Variants in SV2C observed in about 807,000 individuals in gnomAD.
The protein encoded by SV2C is solute carrier family 22 member B3.
Under a neutral mutation model 79.7 loss-of-function variants are expected in SV2C, and 49 were observed. The ratio of observed to expected loss-of-function variants is 0.61; its 90% CI spans 0.49 to 0.78. The LOEUF is 0.78. Ranked by LOEUF, SV2C falls within the 30% of genes least tolerant of loss-of-function variation. The probability of loss-of-function intolerance (pLI) is 0.00; values close to 1 mark genes in which losing one functional copy is unlikely to be tolerated. For missense variants in SV2C, 833 were observed against 912.9 expected, an observed-to-expected ratio of 0.91 and a Z score of 1.13; for synonymous variants, 334 against 333.2, an observed-to-expected ratio of 1.00 and a Z score of -0.03.
At chr5:76,019,945 G>A in the SV2C span, among the ~76,000 whole-genome samples, 3 of 152,180 alleles carry the variant, frequency 2.0e-5, no homozygotes, top group Non-Finnish European at 2.9e-5. Context: ...CACTTGGCAT[G>A]TCATTAGATT....
At chr5:76,040,130 T>C in the SV2C span, among the ~76,000 whole-genome samples, 1 of 152,162 alleles carries the variant, frequency 6.6e-6, no homozygotes, top group Non-Finnish European at 1.5e-5. Flanking sequence ...CTTTTAACAG[T>C]AAAACACATA....
the SV2C span, among the ~76,000 whole-genome samples, chr5:75,981,258 G>A: frequency 6.6e-6 from 1 of 152,102 alleles, no homozygotes; most frequent in Non-Finnish European, 1.5e-5. Flanking sequence ...CTCATGGATA[G>A]GAAGAATCAA....
At chr5:76,040,890 G>A in the SV2C span, among the ~76,000 whole-genome samples, 1 of 152,206 alleles carries the variant, frequency 6.6e-6, no homozygotes, top group Non-Finnish European at 1.5e-5. Context: ...TTTGTTTTAA[G>A]AAGTAGCGGA....
At chr5:76,035,866 A>C in the SV2C span, among the ~76,000 whole-genome samples, 1 of 152,020 alleles carries the variant, frequency 6.6e-6, no homozygotes, top group African/African-American at 2.4e-5. Flanking sequence ...TCCCATTATT[A>C]GTGTGTGGGA....
the SV2C span, chr5:75,910,960 T>G: frequency 1.1e-6 from 1 of 914,836 alleles, no homozygotes; most frequent in South Asian, 1.3e-5. Flanking sequence ...CTTTAGTCAT[T>G]TATCCCCCAG....
chr5:76,302,302 G>A (rs572507096), intron 12 of SV2C, among the ~76,000 whole-genome samples: 59 of 152,226 alleles, frequency 3.9e-4, no homozygotes, highest in African/African-American at 1.3e-3. Context: ...CTGGTTTGTT[G>A]GAGGAAAGCC....
At chr5:76,211,707 T>C (rs1744773216) in intron 4 of SV2C, among the ~76,000 whole-genome samples, 1 of 152,308 alleles carries the variant, frequency 6.6e-6, no homozygotes, top group Non-Finnish European at 1.5e-5. Flanking sequence ...CACAGTTCTG[T>C]TAGGGAACAA....
chr5:75,974,187 A>G, the SV2C span, among the ~76,000 whole-genome samples: 1 of 151,940 alleles, frequency 6.6e-6, no homozygotes, highest in Non-Finnish European at 1.5e-5. Flanking sequence ...AGATGTTTGG[A>G]TTTCTCACAT....
chr5:76,118,969 C>T (rs188850074), intron 1 of SV2C, among the ~76,000 whole-genome samples: 63 of 152,182 alleles, frequency 4.1e-4, no homozygotes, highest in African/African-American at 1.2e-3. Context: ...GGCAACAAAG[C>T]GAGACCCTGT....
At chr5:75,969,218 A>G in the SV2C span, among the ~76,000 whole-genome samples, 1 of 152,216 alleles carries the variant, frequency 6.6e-6, no homozygotes, top group Admixed American at 6.5e-5. Flanking sequence ...CCACTGCAAA[A>G]ACATGCCAAA....
rs1015733596 is a variant in SV2C at position 76,286,004 on chromosome 5, T to C, written c.1137+134T>C. 3 of 684,334 alleles carry C rather than the reference T, an allele frequency of 4.4e-6. No individual in the cohort carries two copies. In the African/African-American group the frequency reaches 5.5e-5, roughly 12 times the overall value. 42.4% of individuals were successfully genotyped at this position (684,334 alleles called of 1,614,324 possible). On this transcript the variant is annotated intron_variant, in intron 6 of 12. Transcript: ENST00000502798. ...CAGCTACTCAGCTCTGCCATTGTAG[T>C]GCAAAAGCAGCCATAGGCAATGTTA...
intron 2 of SV2C, among the ~76,000 whole-genome samples, chr5:76,162,277 A>C (rs1209303617): frequency 3.3e-5 from 5 of 152,314 alleles, no homozygotes; most frequent in Admixed American, 6.5e-5. Context: ...GAAATGTTCA[A>C]TGAATGCTTC....
At chr5:76,295,997 T>C in intron 9 of SV2C, 55 bp downstream of exon 9, 1 of 1,491,902 alleles carries the variant, frequency 6.7e-7, no homozygotes, top group Non-Finnish European at 9.0e-7. Context: ...ACTTATTTCT[T>C]CTTAGCTTTC....
intron 2 of SV2C, among the ~76,000 whole-genome samples, chr5:76,182,195 C>A (rs1743755037): frequency 6.6e-6 from 1 of 152,158 alleles, no homozygotes; most frequent in East Asian, 1.9e-4. Flanking sequence ...TCTGCCCTAT[C>A]CTGCCCTGTT....
At chr5:76,318,116 C>T (rs958557374) in intron 12 of SV2C, among the ~76,000 whole-genome samples, 1 of 152,128 alleles carries the variant, frequency 6.6e-6, no homozygotes, top group Non-Finnish European at 1.5e-5. Context: ...CTTTTCCCCA[C>T]CACCAACTAA....
intron 1 of SV2C, among the ~76,000 whole-genome samples, chr5:76,085,993 C>G (rs934603136): frequency 3.3e-5 from 5 of 152,030 alleles, no homozygotes; most frequent in African/African-American, 4.8e-5. Context: ...CCATTAGCTA[C>G]TGACTGTCTG....
chr5:75,970,363 C>CA, the SV2C span, among the ~76,000 whole-genome samples: 1 of 151,974 alleles, frequency 6.6e-6, no homozygotes, highest in East Asian at 1.9e-4. Flanking sequence ...AAAAACCCTT[C>CA]AAAAAATCAA....
chr5:76,160,894 G>A (rs964693972), intron 2 of SV2C, among the ~76,000 whole-genome samples: 2 of 152,146 alleles, frequency 1.3e-5, no homozygotes, highest in Non-Finnish European at 2.9e-5. Flanking sequence ...TGTTGGCAAG[G>A]ATTTGGAGAA....
At chr5:76,251,161 T>C (rs1746102994) in intron 4 of SV2C, among the ~76,000 whole-genome samples, 1 of 152,138 alleles carries the variant, frequency 6.6e-6, no homozygotes, top group Non-Finnish European at 1.5e-5. Context: ...AGAAACATTG[T>C]AGGGTTCCCC....
Sources: allele counts gnomAD v4.1 joint callset (sites outside exome capture counted in the v4.1 genomes callset), GRCh38; gene constraint gnomAD v4.1.1; transcripts MANE v1.5; gene names NCBI Gene and HGNC (gene_info 2026-07-23, HGNC 2026-07-21).